Variants in FSTL5 observed in about 807,000 individuals in gnomAD.
FSTL5 encodes follistatin like 5, also known as follistatin-related protein 5.
In FSTL5, 62 loss-of-function variants were observed where a neutral mutation model predicts 89.1. That is an observed-to-expected ratio of 0.70 (90% CI 0.57 to 0.86). The LOEUF is 0.86. Among genes scored for constraint, FSTL5 ranks in the 40% least tolerant of loss-of-function variants. FSTL5 has a pLI of 0.00. For synonymous variants in FSTL5, 383 were observed against 346.2 expected, an observed-to-expected ratio of 1.11 and a Z score of -1.18; for missense variants, 1,057 against 1,001.6, an observed-to-expected ratio of 1.06 and a Z score of -0.75.
chr4:161,854,773 G>C (rs1409603130), intron 4 of FSTL5, among the ~76,000 whole-genome samples: 2 of 151,908 alleles, frequency 1.3e-5, no homozygotes, highest in African/African-American at 2.4e-5. Context: ...ACAAAATTCA[G>C]TATGTGCCAT....
chr4:161,504,865 T>A (rs1730422460), intron 11 of FSTL5, among the ~76,000 whole-genome samples: 1 of 151,936 alleles, frequency 6.6e-6, no homozygotes, highest in Non-Finnish European at 1.5e-5. Context: ...ATATATACTA[T>A]GTAATCTACA....
intron 4 of FSTL5, among the ~76,000 whole-genome samples, chr4:161,821,433 T>G (rs1456028519): frequency 6.6e-6 from 1 of 152,174 alleles, no homozygotes; most frequent in Non-Finnish European, 1.5e-5. Context: ...TATTATTATT[T>G]TTTAAATTTC....
intron 7 of FSTL5, among the ~76,000 whole-genome samples, chr4:161,614,907 C>T (rs934994723): frequency 6.6e-6 from 1 of 152,016 alleles, no homozygotes; most frequent in Non-Finnish European, 1.5e-5. Context: ...CTATTGCTAC[C>T]TCTTATGGAA....
chr4:161,498,502 A>T (rs1288004311), intron 12 of FSTL5, among the ~76,000 whole-genome samples: 2 of 152,152 alleles, frequency 1.3e-5, no homozygotes, highest in Non-Finnish European at 2.9e-5. Context: ...TTTGCAAATC[A>T]GATTCCTGAA....
chr4:161,457,962 G>T (rs1733421868), intron 14 of FSTL5, among the ~76,000 whole-genome samples: 2 of 152,158 alleles, frequency 1.3e-5, no homozygotes, highest in Non-Finnish European at 2.9e-5. Flanking sequence ...AGCAAAATTG[G>T]CTTTATATGC....
At chr4:161,636,277 C>A (rs924813401) in intron 7 of FSTL5, among the ~76,000 whole-genome samples, 1 of 151,936 alleles carries the variant, frequency 6.6e-6, no homozygotes, top group Non-Finnish European at 1.5e-5. Flanking sequence ...GAAACTGTTT[C>A]TTTATTTTGA....
Position 161,385,859 on chromosome 4 carries a change from A to G in FSTL5, c.2432T>C (p.Met811Thr). 2 of 1,613,886 alleles carry G rather than the reference A, an allele frequency of 1.2e-6. No homozygotes were observed. Among genetic ancestry groups the G allele is most frequent in the Non-Finnish European group, 1.7e-6 (2 of 1,179,878 alleles). Residue 811 changes from methionine to threonine, a missense_variant, in exon 16 of 16, where the codon ATG becomes ACG. Met to Thr is a moderately conservative substitution (Grantham distance 81, BLOSUM62 -1). This residue lies in a region of FSTL5 where 68 missense variants were observed against 73.3 expected (regional missense o/e 0.93). Coordinates refer to ENST00000306100, the MANE Select transcript of FSTL5 (RefSeq NM_020116.5). The stretch of plus-strand genomic sequence containing the variant: ...GAAGAGAGAGTCCTTGGAAGGTGTC[A>G]TCAGGTATTGACCAAACAAGCCACT... ...QDSGLFGQYLMTPSKDSLFIL... is the reference protein window; with the variant it reads ...QDSGLFGQYLTTPSKDSLFIL...
chr4:161,669,843 A>C (rs1452826403), intron 6 of FSTL5, among the ~76,000 whole-genome samples: 1 of 152,104 alleles, frequency 6.6e-6, no homozygotes, highest in Non-Finnish European at 1.5e-5. Context: ...ATAGATCATA[A>C]GGTGTTTATA....
At chr4:162,146,144 C>T (rs1280629681) in intron 1 of FSTL5, among the ~76,000 whole-genome samples, 1 of 151,984 alleles carries the variant, frequency 6.6e-6, no homozygotes, top group African/African-American at 2.4e-5. Flanking sequence ...TAAAGCTTAA[C>T]CAATTAAGCA....
intron 4 of FSTL5, among the ~76,000 whole-genome samples, chr4:161,807,456 A>C (rs1432808099): frequency 2.0e-5 from 3 of 152,126 alleles, no homozygotes; most frequent in Non-Finnish European, 4.4e-5. Context: ...ATTGAGATTC[A>C]AGTTGTGGCT....
In FSTL5 at chr4:161,726,204, C is replaced by CT. The variant is rs199653158; in HGVS notation, c.727+33206dup. 8.9e-3 allele frequency among the ~76,000 whole-genome samples: 1,234 copies of CT among 138,606 alleles called. 59 individuals are homozygous for CT. Among genetic ancestry groups the CT allele is most frequent in the Admixed American group, 0.076 (980 of 12,918 alleles). The allele number at this position is 138,606 out of a possible 152,430, so 90.9% of individuals were successfully genotyped here. A position where few individuals can be genotyped will look rare whatever the true frequency, so the allele number is the denominator to read the frequency against. On this transcript the variant is annotated intron_variant, in intron 6 of 15. Coordinates refer to ENST00000306100, the MANE Select transcript of FSTL5 (RefSeq NM_020116.5). ...TTTGGAAAAAAATTAGGATGCAACT[C>CT]TTTTTTTTTCTTTTTTCTTTTTCTT...
At chr4:161,420,387 G>C (rs1731940489) in intron 15 of FSTL5, among the ~76,000 whole-genome samples, 1 of 152,154 alleles carries the variant, frequency 6.6e-6, no homozygotes. Context: ...TGTATGTAAG[G>C]TGTGCATGTG....
At chr4:161,624,554 C>T (rs1036273058) in intron 7 of FSTL5, among the ~76,000 whole-genome samples, 2 of 150,876 alleles carry the variant, frequency 1.3e-5, no homozygotes, top group South Asian at 2.1e-4. Flanking sequence ...TATAGGTGTA[C>T]ATTTTTTAAT....
At chr4:162,098,524 AT>A (rs1042779124) in intron 2 of FSTL5, among the ~76,000 whole-genome samples, 35 of 152,140 alleles carry the variant, frequency 2.3e-4, no homozygotes, top group African/African-American at 7.5e-4. Flanking sequence ...ATTCAGTGAA[AT>A]CTCAGTCAAA....
intron 3 of FSTL5, among the ~76,000 whole-genome samples, chr4:161,997,667 C>T (rs1174143562): frequency 9.7e-5 from 14 of 144,744 alleles, no homozygotes; most frequent in Admixed American, 6.5e-4. Context: ...TGCAGTGGCA[C>T]GATCTCTGCC....
At chr4:161,943,104 C>T (rs1734636247) in intron 3 of FSTL5, among the ~76,000 whole-genome samples, 1 of 151,782 alleles carries the variant, frequency 6.6e-6, no homozygotes. Flanking sequence ...AATAAAACAT[C>T]TAGGAATAAA....
At chr4:161,465,477 T>A (rs1450982571) in intron 13 of FSTL5, among the ~76,000 whole-genome samples, 1 of 152,114 alleles carries the variant, frequency 6.6e-6, no homozygotes, top group Non-Finnish European at 1.5e-5. Flanking sequence ...AAAATAAAGA[T>A]GGGATCTTCC....
intron 2 of FSTL5, among the ~76,000 whole-genome samples, chr4:162,094,698 G>T (rs192624011): frequency 6.6e-6 from 1 of 152,276 alleles, no homozygotes; most frequent in Non-Finnish European, 1.5e-5. Flanking sequence ...ATATGAAAGA[G>T]TAGTTGCCCT....
chr4:161,450,945 C>T (rs1334124779), intron 15 of FSTL5, among the ~76,000 whole-genome samples: 1 of 151,910 alleles, frequency 6.6e-6, no homozygotes, highest in Non-Finnish European at 1.5e-5. Flanking sequence ...GAGGTTTCAC[C>T]GTGTTAGCCA....
Sources: gnomAD v4.1 joint callset for allele counts (sites outside exome capture counted in the v4.1 genomes callset) on GRCh38, gnomAD v4.1.1 for gene constraint, gnomAD v4.1.1 regional missense constraint, MANE v1.5 for transcripts, NCBI Gene and HGNC (gene_info 2026-07-23, HGNC 2026-07-21) for gene names.